Variants in IL6R observed in about 807,000 individuals in gnomAD.
IL6R encodes the protein interleukin 6 receptor, also known as interleukin-6 receptor subunit alpha.
Under a neutral mutation model 48.3 loss-of-function variants are expected in IL6R, and 38 were observed. That is an observed-to-expected ratio of 0.79 (90% CI 0.61 to 1.03). The LOEUF is 1.03. Ranked by LOEUF, IL6R falls within the 50% of genes least tolerant of loss-of-function variation. The probability of loss-of-function intolerance (pLI) is 0.00; values close to 1 mark genes in which losing one functional copy is unlikely to be tolerated. For missense variants in IL6R, 534 were observed against 618.3 expected (o/e 0.86, Z 1.45); for synonymous variants, 264 against 256.2 (o/e 1.03, Z -0.29).
chr1:154,414,749 T>C, intron 1 of IL6R: 1 of 777,886 alleles, frequency 1.3e-6, no homozygotes, highest in African/African-American at 1.7e-5. Context: ...GTGTAGACAT[T>C]GGTCTGGATG....
intron 9 of IL6R, among the ~76,000 whole-genome samples, chr1:154,455,703 C>G (rs1279813291): frequency 2.6e-5 from 4 of 151,354 alleles, no homozygotes; most frequent in Non-Finnish European, 5.9e-5. Context: ...CCGCCTGCCT[C>G]AGCCTCCCAA....
At chr1:154,463,581 GA>G in intron 9 of IL6R, among the ~76,000 whole-genome samples, 1 of 152,308 alleles carries the variant, frequency 6.6e-6, no homozygotes, top group South Asian at 2.1e-4. Flanking sequence ...GGAATTGAGG[GA>G]GGCCACCTTG....
intron 6 of IL6R, among the ~76,000 whole-genome samples, chr1:154,444,446 A>ATCC (rs1355761579): frequency 6.6e-6 from 1 of 152,118 alleles, no homozygotes; most frequent in East Asian, 1.9e-4. Flanking sequence ...ACCTCAGGTG[A>ATCC]TCCACCCACC....
In IL6R at chr1:154,469,424, G is replaced by A. The variant is rs1691691717; in HGVS notation, c.*4044G>A. 6.6e-6 allele frequency: 1 copy of A among 151,530 alleles called. No homozygotes were observed. The highest frequency in any genetic ancestry group is 2.4e-5 in the African/African-American group (1 of 41,134). 9.4% of individuals were successfully genotyped at this position (151,530 alleles called of 1,614,324 possible). ...ATTTTGCATTTAAAGTGAACATTGT[G>A]TTTGGAATAAATACTCTTAAAAAAT... On this transcript the variant is annotated 3_prime_UTR_variant, in exon 10 of 10. Transcript: ENST00000368485.
intron 6 of IL6R, among the ~76,000 whole-genome samples, chr1:154,439,255 T>A (rs747585033): frequency 1.3e-5 from 2 of 152,236 alleles, no homozygotes; most frequent in African/African-American, 2.4e-5. Context: ...CTTGCTTTTT[T>A]ATAAAGTTTC....
Position 154,468,772 on chromosome 1 carries a change from T to G in IL6R, c.*3392T>G, listed in dbSNP as rs1691663331. The stretch of plus-strand genomic sequence containing the variant: ...TATGGGTTTGTTTCCTGGAGAATGT[T>G]CAGGAATGTCTTCCCAGCTGCTTTG... On this transcript the variant is annotated 3_prime_UTR_variant, in exon 10 of 10. Transcript: ENST00000368485. 6.6e-6 allele frequency: 1 copy of G among 152,292 alleles called. No individual in the cohort carries two copies. Among genetic ancestry groups the G allele is most frequent in the South Asian group, 2.1e-4 (1 of 4,832 alleles). The allele number at this position is 152,292 out of a possible 1,614,324, so 9.4% of individuals were successfully genotyped here.
chr1:154,418,099 A>G (rs11588248), intron 1 of IL6R, among the ~76,000 whole-genome samples: 19,140 of 151,650 alleles, frequency 0.13, 1,475 homozygotes, highest in Middle Eastern at 0.2. Context: ...TGAACTCCTG[A>G]TCTCAGGTGA....
At position 154,405,979 on chromosome 1, in the gene IL6R, C is replaced by G. The variant is rs1305649484; in HGVS notation, c.85+265C>G. Among the ~76,000 whole-genome samples the G allele has an allele frequency of 6.6e-6, 1 of 152,210 alleles. No homozygotes were observed. Among genetic ancestry groups the G allele is most frequent in the African/African-American group, 2.4e-5 (1 of 41,460 alleles). On this transcript the variant is annotated intron_variant, in intron 1 of 9. Transcript: ENST00000368485. This position sits in a 1 kb window ranked among gnomAD's most constrained non-coding sequence, Gnocchi z 5.2. ...GTGCGGGAACCCTGCGGTCTGTGTA[C>G]AGGACTGTGTCCTTGCAAACCTGAC...
At chr1:154,457,795 C>T (rs1690976736) in intron 9 of IL6R, among the ~76,000 whole-genome samples, 1 of 152,082 alleles carries the variant, frequency 6.6e-6, no homozygotes, top group South Asian at 2.1e-4. Flanking sequence ...AGACATTGCA[C>T]TCTGTCCTTT....
chr1:154,429,556 G>T (rs1689177703), intron 2 of IL6R, 112 bp downstream of exon 2: 1 of 1,307,438 alleles, frequency 7.6e-7, no homozygotes. Flanking sequence ...CTTGGCGCAA[G>T]AATTTTGGGG....
At chr1:154,431,313 A>G (rs1689281812) in intron 3 of IL6R, among the ~76,000 whole-genome samples, 1 of 152,224 alleles carries the variant, frequency 6.6e-6, no homozygotes, top group Non-Finnish European at 1.5e-5. Flanking sequence ...TCCCAGAGCC[A>G]CAGTCTCCCT....
At chr1:154,454,343 G>A in intron 8 of IL6R, 145 bp from the exon 9 acceptor site, 3 of 622,252 alleles carry the variant, frequency 4.8e-6, no homozygotes, top group Non-Finnish European at 8.6e-6. Context: ...TGGCAGAGCT[G>A]TTTCATTTTC....
chr1:154,432,157 G>A (rs1465576713), intron 3 of IL6R, among the ~76,000 whole-genome samples: 3 of 152,160 alleles, frequency 2.0e-5, no homozygotes, highest in Non-Finnish European at 2.9e-5. Context: ...ATTACCATCT[G>A]TGAATGATGC....
intron 3 of IL6R, among the ~76,000 whole-genome samples, 182 bp from the exon 4 acceptor site, chr1:154,434,337 C>A (rs1422328518): frequency 6.6e-6 from 1 of 152,022 alleles, no homozygotes; most frequent in African/African-American, 2.4e-5. Flanking sequence ...AAAAACTTAA[C>A]CCCTACTAGG....
chr1:154,445,967 G>C (rs1044299057), intron 6 of IL6R, among the ~76,000 whole-genome samples: 1 of 151,790 alleles, frequency 6.6e-6, no homozygotes, highest in Non-Finnish European at 1.5e-5. Context: ...GTCTCACTAT[G>C]TTACCCAGGC....
At position 154,458,053 on chromosome 1, in the gene IL6R, G is replaced by A. The variant is rs1328214324; in HGVS notation, c.1160+3472G>A. ...GCGATCTTGGCTCACTGCAACCTCC[G>A]CCTCCCGGGTTCACGCCATTCTCCC... On this transcript the variant is annotated intron_variant, in intron 9 of 9. Transcript: ENST00000368485. 4.7e-4 allele frequency among the ~76,000 whole-genome samples: 68 copies of A among 145,174 alleles called. No homozygotes were observed. The Admixed American group carries it at 4.8e-3, about 10-fold the overall frequency.
intron 1 of IL6R, among the ~76,000 whole-genome samples, chr1:154,419,307 C>T (rs1401282627): frequency 6.6e-6 from 1 of 152,128 alleles, no homozygotes; most frequent in Non-Finnish European, 1.5e-5. Flanking sequence ...AAGCCAGGAG[C>T]CAGTCTCAGT....
chr1:154,430,545 G>T lies in IL6R; in HGVS notation c.397G>T (p.Glu133Ter). 1 of 1,614,174 alleles carries T rather than the reference G, an allele frequency of 6.2e-7. No homozygotes were observed. The highest frequency in any genetic ancestry group is 8.5e-7 in the Non-Finnish European group (1 of 1,180,024). ...GAGCCCCCTCAGCAATGTTGTTTGT[G>T]AGTGGGGTCCTCGGAGCACCCCATC... ...RKSPLSNVVCEWGPRSTPSLT... is the reference protein window; with the variant it reads ...RKSPLSNVVC The change falls in exon 3 of 10, where the codon GAG (glutamate) becomes TAG (stop). Residue 133 changes from glutamate to a stop codon, truncating the protein, a stop_gained. Coordinates refer to ENST00000368485, the MANE Select transcript of IL6R (RefSeq NM_000565.4). LOFTEE classifies it high-confidence loss of function.
At chr1:154,434,878 A>G (rs1689521788) in intron 4 of IL6R, 112 bp from the exon 5 acceptor site, 4 of 1,257,452 alleles carry the variant, frequency 3.2e-6, no homozygotes, top group Non-Finnish European at 2.2e-6. Context: ...GGAGCTGTGC[A>G]TGGGGAGTGA....
Sources: gnomAD v4.1 joint callset for allele counts (sites outside exome capture counted in the v4.1 genomes callset) on GRCh38, gnomAD v4.1.1 for gene constraint, Gnocchi (gnomAD v3.1) non-coding constraint, MANE v1.5 for transcripts, NCBI Gene and HGNC (gene_info 2026-07-23, HGNC 2026-07-21) for gene names.